FRAS1: variants seen among roughly 807,000 people sequenced by gnomAD.
FRAS1 encodes extracellular matrix organizing protein FRAS1.
In FRAS1, 290 loss-of-function variants were observed where a neutral mutation model predicts 435.2. That is an observed-to-expected ratio of 0.67 (90% confidence interval 0.61 to 0.73). The LOEUF (loss-of-function observed/expected upper bound fraction) is 0.73, where lower values mean the gene tolerates loss of function less well. Ranked by LOEUF, FRAS1 falls within the 30% of genes least tolerant of loss-of-function variation. The pLI is 0.00. For synonymous variants in FRAS1, 1,800 were observed against 1,851.0 expected (o/e 0.97, Z 0.71); for missense variants, 4,860 against 5,001.5 (o/e 0.97, Z 0.85).
chr4:78,315,444 A>C, intron 15 of FRAS1, 150 bp from the exon 16 acceptor site: 3 of 763,042 alleles, frequency 3.9e-6, no homozygotes, highest in Non-Finnish European at 6.2e-6. Context: ...GTCCGATGAA[A>C]TGTTGGAATC....
chr4:78,380,946 A>C (rs1174756628), intron 27 of FRAS1, among the ~76,000 whole-genome samples: 1 of 152,206 alleles, frequency 6.6e-6, no homozygotes, highest in Non-Finnish European at 1.5e-5. Flanking sequence ...ATGGAATGCT[A>C]ACTTTGAGCC....
chr4:78,361,606 T>G (rs879607078), intron 20 of FRAS1, among the ~76,000 whole-genome samples: 6 of 152,200 alleles, frequency 3.9e-5, no homozygotes, highest in Non-Finnish European at 8.8e-5. Context: ...ATCTGCTTCG[T>G]GTACAGGGAA....
At chr4:78,492,273 T>G (rs1366862482) in intron 59 of FRAS1, among the ~76,000 whole-genome samples, 1 of 152,200 alleles carries the variant, frequency 6.6e-6, no homozygotes, top group Non-Finnish European at 1.5e-5. Flanking sequence ...TTTGACATTC[T>G]TCACAGAATT....
Position 78,450,179 on chromosome 4 carries a change from C to G in FRAS1, c.6303C>G (p.His2101Gln), listed in dbSNP as rs1718978389. The change falls in exon 45 of 74, where the codon CAC becomes CAG. Residue 2101 changes from histidine (H) to glutamine (Q), a missense_variant. Coordinates refer to ENST00000512123, the MANE Select transcript of FRAS1 (RefSeq NM_025074.7). ...CTGTAGCACGCATCACAGAACAGCA[C>G]TTGAAAGTGACAGATATTGACTCAG... is the stretch of plus-strand genomic sequence containing the variant. Reference protein sequence around the residue: ...AGSVARITEQHLKVTDIDSDD... With the variant: ...AGSVARITEQQLKVTDIDSDD... 1.2e-6 allele frequency: 2 copies of G among 1,613,796 alleles called. No individual in the cohort carries two copies. Among genetic ancestry groups the G allele is most frequent in the Non-Finnish European group, 1.7e-6 (2 of 1,179,730 alleles).
rs1304484255 is a variant in FRAS1 at position 78,540,431 on chromosome 4, A to C, written c.11446-100A>C. 4 of 648,912 alleles carry C rather than the reference A, an allele frequency of 6.2e-6. No homozygotes were observed. In the African/African-American group the frequency reaches 7.3e-5, roughly 12 times the overall value. The allele number at this position is 648,912 out of a possible 1,614,324, so 40.2% of individuals were successfully genotyped here. A position where few individuals can be genotyped will look rare whatever the true frequency, so the allele number is the denominator to read the frequency against. ...CATTGCTAATGCTTTTCTGGAAATC[A>C]GTTATCTATCAAGGCATATAGTGGC... On this transcript the variant is annotated intron_variant, in intron 73 of 73. Coordinates refer to ENST00000512123, the MANE Select transcript of FRAS1 (RefSeq NM_025074.7).
At chr4:78,058,117 TGTGCGTGTGC>T in intron 1 of FRAS1, 32 bp downstream of exon 1, 1 of 1,541,940 alleles carries the variant, frequency 6.5e-7, no homozygotes, top group Non-Finnish European at 9.0e-7. Flanking sequence ...TGTGTGTGTG[TGTGCGTGTGC>T]GTGTGTGTGT....
intron 10 of FRAS1, among the ~76,000 whole-genome samples, chr4:78,278,950 A>G (rs1727193060): frequency 6.6e-6 from 1 of 152,182 alleles, no homozygotes; most frequent in African/African-American, 2.4e-5. Flanking sequence ...TTTGTAGTAT[A>G]GGGACACAGA....
intron 2 of FRAS1, among the ~76,000 whole-genome samples, chr4:78,235,877 A>G (rs1724733851): frequency 2.0e-5 from 3 of 152,164 alleles, no homozygotes; most frequent in Non-Finnish European, 4.4e-5. Context: ...TGAGCCTGGG[A>G]AGTTGAGGCT....
chr4:78,114,775 C>A (rs963940694), intron 2 of FRAS1, among the ~76,000 whole-genome samples: 1 of 152,232 alleles, frequency 6.6e-6, no homozygotes, highest in African/African-American at 2.4e-5. Flanking sequence ...CATCTGCAAA[C>A]AGGGACAATG....
At chr4:78,222,830 A>G (rs964004302) in intron 2 of FRAS1, among the ~76,000 whole-genome samples, 1 of 152,172 alleles carries the variant, frequency 6.6e-6, no homozygotes, top group Non-Finnish European at 1.5e-5. Context: ...CAGCCAATTG[A>G]CTAGTACTGT....
intron 2 of FRAS1, among the ~76,000 whole-genome samples, chr4:78,214,052 T>A (rs1335382858): frequency 1.3e-5 from 2 of 152,182 alleles, no homozygotes; most frequent in Admixed American, 6.5e-5. Context: ...AAGTAGTTGG[T>A]TCTGGGGAAT....
At chr4:78,319,438 G>A (rs1217570588) in intron 18 of FRAS1, 1 of 456,780 alleles carries the variant, frequency 2.2e-6, no homozygotes, top group Non-Finnish European at 4.4e-6. Flanking sequence ...GAGAATTGAT[G>A]ACATCCTGAA....
intron 2 of FRAS1, among the ~76,000 whole-genome samples, chr4:78,168,417 T>C (rs1218579633): frequency 1.3e-5 from 2 of 151,938 alleles, no homozygotes; most frequent in African/African-American, 2.4e-5. Flanking sequence ...TTTTTTAGCG[T>C]AGCATTTTTG....
chr4:78,235,713 C>T (rs892973247), intron 2 of FRAS1, among the ~76,000 whole-genome samples: 6 of 152,244 alleles, frequency 3.9e-5, no homozygotes, highest in African/African-American at 1.4e-4. Flanking sequence ...CTTTGGAAAG[C>T]TAAGGCAGGC....
rs926367244 is a variant in FRAS1, at chr4:78,463,428, G to A, written c.6764-593G>A. On this transcript the variant is annotated intron_variant, in intron 47 of 73. Coordinates refer to ENST00000512123, the MANE Select transcript of FRAS1 (RefSeq NM_025074.7). ...ATTGCTCATGCCCCAGAGTCAGGCG[G>A]TAAGTTTTGTTACTGCCTGACTGGC... Among the ~76,000 whole-genome samples, 11 of 152,174 alleles carry A rather than the reference G, an allele frequency of 7.2e-5. No individual in the cohort carries two copies. The East Asian group carries it at 7.7e-4, about 11-fold the overall frequency.
At chr4:78,081,587 A>C (rs1376109224) in intron 2 of FRAS1, among the ~76,000 whole-genome samples, 1 of 152,156 alleles carries the variant, frequency 6.6e-6, no homozygotes. Flanking sequence ...AATTGAGTTC[A>C]GACTTTCTGA....
intron 29 of FRAS1, among the ~76,000 whole-genome samples, chr4:78,389,493 G>C (rs1159908140): frequency 6.6e-6 from 1 of 152,230 alleles, no homozygotes; most frequent in South Asian, 2.1e-4. Flanking sequence ...AGTGAAGGTG[G>C]CATAGGAGAG....
intron 38 of FRAS1, among the ~76,000 whole-genome samples, chr4:78,434,512 C>G (rs117022458): frequency 2.0e-5 from 3 of 151,934 alleles, no homozygotes; most frequent in Non-Finnish European, 2.9e-5. Context: ...TATGAACCAG[C>G]CAAAAATAAA....
intron 20 of FRAS1, among the ~76,000 whole-genome samples, chr4:78,357,031 T>G (rs1730884503): frequency 6.6e-6 from 1 of 152,210 alleles, no homozygotes; most frequent in African/African-American, 2.4e-5. Flanking sequence ...TCCAGCCATG[T>G]TGAACTTTTC....
Sources: gnomAD v4.1 joint callset for allele counts (sites outside exome capture counted in the v4.1 genomes callset) on GRCh38, gnomAD v4.1.1 for gene constraint, MANE v1.5 for transcripts, NCBI Gene and HGNC (gene_info 2026-07-23, HGNC 2026-07-21) for gene names.